The following IFNAR1 variants were observed in gnomAD, a reference collection of about 807,000 sequenced individuals.
IFNAR1 encodes interferon alpha/beta receptor 1.
In IFNAR1, 47 loss-of-function variants were observed where a neutral mutation model predicts 62.1. That is an observed-to-expected ratio of 0.76 (90% CI 0.60 to 0.97). The LOEUF (loss-of-function observed/expected upper bound fraction) is 0.97, where lower values mean the gene tolerates loss of function less well. Among genes scored for constraint, IFNAR1 ranks in the 50% least tolerant of loss-of-function variants. IFNAR1 has a pLI of 0.00. For missense variants in IFNAR1, 638 were observed against 654.5 expected, an observed-to-expected ratio of 0.97 and a Z score of 0.27; for synonymous variants, 219 against 226.9, an observed-to-expected ratio of 0.97 and a Z score of 0.31.
chr21:33,327,049 A>G (rs1246618291), intron 1 of IFNAR1, among the ~76,000 whole-genome samples: 1 of 152,192 alleles, frequency 6.6e-6, no homozygotes, highest in Non-Finnish European at 1.5e-5. Flanking sequence ...TTAGGAAACC[A>G]TATACCTGTG....
In IFNAR1 at chr21:33,341,012, A is replaced by T; in HGVS notation, c.214A>T (p.Asn72Tyr). 6.2e-7 allele frequency: 1 copy of T among 1,607,988 alleles called. No individual in the cohort carries two copies. Among genetic ancestry groups the T allele is most frequent in the Non-Finnish European group, 8.5e-7 (1 of 1,175,324 alleles). ...TTTACTTTAAAGAACTGGGATGGATAATTGGATAAAATTGTCTGGGTGTCA... is the reference window on the plus strand; with the variant it reads ...TTTACTTTAAAGAACTGGGATGGATTATTGGATAAAATTGTCTGGGTGTCA... Reference protein sequence around the residue: ...SFDYQKTGMDNWIKLSGCQNI... With the variant: ...SFDYQKTGMDYWIKLSGCQNI... Residue 72 changes from asparagine to tyrosine, a missense_variant, in exon 3 of 11, where the codon AAT becomes TAT. By Grantham distance (143) the Asn-to-Tyr change is moderately radical. Coordinates refer to ENST00000270139, the MANE Select transcript of IFNAR1 (RefSeq NM_000629.3).
At chr21:33,335,868 G>A (rs548370949) in intron 2 of IFNAR1, among the ~76,000 whole-genome samples, 11 of 150,170 alleles carry the variant, frequency 7.3e-5, no homozygotes, top group South Asian at 2.1e-4. Flanking sequence ...GGTAGACAGC[G>A]TCTCTAACCC....
At chr21:33,343,010 T>TTTCCTGGTTCTCCTCCTGCTCA (rs1209674603) in intron 3 of IFNAR1, among the ~76,000 whole-genome samples, 3 of 152,234 alleles carry the variant, frequency 2.0e-5, no homozygotes, top group Admixed American at 2.0e-4. Flanking sequence ...GACACTGCTC[T>TTTCCTGGTTCTCCTCCTGCTCA]TTCCTGGTTC....
intron 8 of IFNAR1, among the ~76,000 whole-genome samples, chr21:33,350,075 AT>A (rs1376747346): frequency 6.6e-6 from 1 of 151,684 alleles, no homozygotes; most frequent in Non-Finnish European, 1.5e-5. Flanking sequence ...CTGAATCATT[AT>A]CTCTGGGGAT....
chr21:33,350,610 C>G (rs2083389403), intron 8 of IFNAR1, among the ~76,000 whole-genome samples: 1 of 152,162 alleles, frequency 6.6e-6, no homozygotes, highest in Non-Finnish European at 1.5e-5. Flanking sequence ...TACGTGTTTC[C>G]CAGATCACTT....
chr21:33,339,649 T>C (rs1047910021), intron 2 of IFNAR1, among the ~76,000 whole-genome samples: 3 of 152,070 alleles, frequency 2.0e-5, no homozygotes, highest in Non-Finnish European at 2.9e-5. Flanking sequence ...TGGCCGGGCA[T>C]GGTGGCTCAC....
chr21:33,330,143 A>C lies in IFNAR1; in HGVS notation c.76+5012A>C, dbSNP rs1183504774. ...TGTGCACGTTATTAGAGCAATCTGC[A>C]CACAACTTACAGGAATCAGGTGGGC... On this transcript the variant is annotated intron_variant, in intron 1 of 10. Coordinates refer to ENST00000270139, the MANE Select transcript of IFNAR1 (RefSeq NM_000629.3). Among the ~76,000 whole-genome samples, 3 of 152,238 alleles carry C rather than the reference A, an allele frequency of 2.0e-5. No homozygotes were observed. The East Asian group carries it at 5.8e-4, about 29-fold the overall frequency.
intron 1 of IFNAR1, among the ~76,000 whole-genome samples, chr21:33,327,595 T>C (rs1170202333): frequency 1.3e-5 from 2 of 152,220 alleles, no homozygotes; most frequent in Non-Finnish European, 2.9e-5. Context: ...ACAATTTAAA[T>C]TCCTGATTGT....
At chr21:33,330,790 G>A (rs1006569765) in intron 1 of IFNAR1, among the ~76,000 whole-genome samples, 1 of 152,150 alleles carries the variant, frequency 6.6e-6, no homozygotes, top group African/African-American at 2.4e-5. Context: ...TGGGAACGAG[G>A]AGGAACTTCT....
intron 6 of IFNAR1, among the ~76,000 whole-genome samples, chr21:33,347,811 T>G (rs1014747129): frequency 2.0e-5 from 3 of 152,130 alleles, no homozygotes; most frequent in South Asian, 2.1e-4. Context: ...ATCTCAGAAT[T>G]TTGCCTTCTC....
At chr21:33,351,767 T>TTGGTGG (rs948653135) in intron 8 of IFNAR1, among the ~76,000 whole-genome samples, 8 of 151,860 alleles carry the variant, frequency 5.3e-5, no homozygotes, top group African/African-American at 1.9e-4. Flanking sequence ...CCAGGCTTTT[T>TTGGTGG]TGGTGGTGGT....
At chr21:33,336,208 A>G (rs540067483) in intron 2 of IFNAR1, among the ~76,000 whole-genome samples, 1,377 of 137,300 alleles carry the variant, frequency 0.01, 20 homozygotes, top group African/African-American at 0.035. Context: ...TTTACTGAGA[A>G]TGATGATTTC....
Position 33,324,977 on chromosome 21 carries a change from CTT to C in IFNAR1, c.-78_-77del, listed in dbSNP as rs1032899219. Reference sequence around the variant, plus strand: ...GCGCGTGTGCAGAGGGGCGGTGTGACTTAGGACGGGGCGATGGCGGCTGAGAG... The same window carrying C: ...GCGCGTGTGCAGAGGGGCGGTGTGACAGGACGGGGCGATGGCGGCTGAGAG... On this transcript the variant is annotated 5_prime_UTR_variant, in exon 1 of 11. Transcript: ENST00000270139. 9.2e-5 allele frequency: 124 copies of C among 1,348,456 alleles called. 2 individuals are homozygous for C. In the Admixed American group the frequency reaches 2.3e-3, roughly 25 times the overall value. 83.5% of individuals were successfully genotyped at this position (1,348,456 alleles called of 1,614,324 possible).
chr21:33,343,265 C>T lies in IFNAR1; in HGVS notation c.377-3C>T. On this transcript the variant is annotated splice_region_variant and splice_polypyrimidine_tract_variant and intron_variant, in intron 3 of 10. Transcript: ENST00000270139. ...CATAGTAATTGTTTTGATTTTTTTGCAGCTCAGATTGGTCCTCCAGAAGTA... is the reference window on the plus strand; with the variant it reads ...CATAGTAATTGTTTTGATTTTTTTGTAGCTCAGATTGGTCCTCCAGAAGTA... 6.2e-7 allele frequency: 1 copy of T among 1,603,768 alleles called. No individual in the cohort carries two copies.
At chr21:33,354,946 T>G (rs1041867) in intron 10 of IFNAR1, among the ~76,000 whole-genome samples, 73,744 of 151,810 alleles carry the variant, frequency 0.49, 18,840 homozygotes, top group East Asian at 0.61. Flanking sequence ...CAATTGTGCT[T>G]CTTCTGGATA....
rs568559056 is a variant in IFNAR1 at position 33,325,240 on chromosome 21, C to G, written c.76+109C>G. The G allele has an allele frequency of 8.6e-4, 803 of 933,942 alleles. 6 individuals carry two copies. The African/African-American group carries it at 9.6e-3, about 11-fold the overall frequency. The allele number at this position is 933,942 out of a possible 1,614,324, so 57.9% of individuals were successfully genotyped here. On this transcript the variant is annotated intron_variant, in intron 1 of 10. Transcript: ENST00000270139. ...GCGACAGACGCCCAGTCTGGGAAAC[C>G]TTCGGTCCACTTTGCCGCGCCAAAG...
chr21:33,345,522 CAGT>C (rs2083337263), intron 6 of IFNAR1, among the ~76,000 whole-genome samples, 162 bp downstream of exon 6: 1 of 152,282 alleles, frequency 6.6e-6, no homozygotes, highest in Non-Finnish European at 1.5e-5. Context: ...CCAGTTCTGC[CAGT>C]AACTAACTGG....
chr21:33,358,397 G>T lies in IFNAR1; in HGVS notation c.*2848G>T, dbSNP rs1257958739. On this transcript the variant is annotated 3_prime_UTR_variant, in exon 11 of 11. Coordinates refer to ENST00000270139, the MANE Select transcript of IFNAR1 (RefSeq NM_000629.3). Reference sequence around the variant, plus strand: ...ATATTGATAGTTCTTAGAGAGACCAGATATAATCTAAGAATTTATATGAAA... The same window carrying T: ...ATATTGATAGTTCTTAGAGAGACCATATATAATCTAAGAATTTATATGAAA... 1 of 151,828 alleles carries T rather than the reference G, an allele frequency of 6.6e-6. No individual in the cohort carries two copies. Among genetic ancestry groups the T allele is most frequent in the Non-Finnish European group, 1.5e-5 (1 of 67,984 alleles). The allele number at this position is 151,828 out of a possible 1,614,324, so 9.4% of individuals were successfully genotyped here. A position where few individuals can be genotyped will look rare whatever the true frequency, so the allele number is the denominator to read the frequency against.
At chr21:33,334,761 T>C (rs2083216926) in intron 1 of IFNAR1, 1 of 787,740 alleles carries the variant, frequency 1.3e-6, no homozygotes, top group South Asian at 1.3e-5. Context: ...GAGGGGCAGC[T>C]GGATGTCCAG....
Sources: allele counts gnomAD v4.1 joint callset (sites outside exome capture counted in the v4.1 genomes callset), GRCh38; gene constraint gnomAD v4.1.1; transcripts MANE v1.5; gene names NCBI Gene and HGNC (gene_info 2026-07-23, HGNC 2026-07-21).